STK39: variants seen among roughly 807,000 people sequenced by gnomAD.
STK39 encodes the protein STE20/SPS1-related proline-alanine-rich protein kinase.
STK39 carries 20 observed loss-of-function variants against 77.8 expected under a neutral mutation model. The ratio of observed to expected loss-of-function variants is 0.26; its 90% CI spans 0.18 to 0.37. The LOEUF is 0.37. Ranked by LOEUF, STK39 falls within the 10% of genes least tolerant of loss-of-function variation. The pLI is 1.00. For synonymous variants in STK39, 246 were observed against 234.1 expected (o/e 1.05, Z -0.47); for missense variants, 479 against 656.5 (o/e 0.73, Z 2.95).
chr2:168,191,489 T>C (rs967150703), intron 1 of STK39, among the ~76,000 whole-genome samples: 1 of 152,166 alleles, frequency 6.6e-6, no homozygotes, highest in Non-Finnish European at 1.5e-5. Context: ...GCAGATTTTT[T>C]CAAAGCCTCA....
chr2:167,986,814 G>A (rs1683572216), intron 16 of STK39, among the ~76,000 whole-genome samples: 1 of 152,172 alleles, frequency 6.6e-6, no homozygotes, highest in Non-Finnish European at 1.5e-5. Context: ...ATTTGTAGGA[G>A]GATGTGGAGA....
chr2:168,031,197 G>C (rs1428207342), intron 14 of STK39, among the ~76,000 whole-genome samples: 2 of 152,168 alleles, frequency 1.3e-5, no homozygotes, highest in African/African-American at 2.4e-5. Context: ...TCTCCCAGAA[G>C]GGCAAGGGTA....
chr2:168,059,698 T>G (rs1322912179), intron 14 of STK39, among the ~76,000 whole-genome samples: 1 of 152,182 alleles, frequency 6.6e-6, no homozygotes, highest in Non-Finnish European at 1.5e-5. Flanking sequence ...CTACAGAAAC[T>G]GAGATAATAA....
At chr2:168,006,124 T>C (rs1395285536) in intron 16 of STK39, among the ~76,000 whole-genome samples, 1 of 152,156 alleles carries the variant, frequency 6.6e-6, no homozygotes, top group East Asian at 1.9e-4. Flanking sequence ...AAGGGTGGTA[T>C]AAAAACACAG....
chr2:168,030,339 G>T (rs571121060), intron 14 of STK39, among the ~76,000 whole-genome samples: 1 of 152,282 alleles, frequency 6.6e-6, no homozygotes, highest in South Asian at 2.1e-4. Flanking sequence ...TTAATCAAGT[G>T]AGTTAGCCAT....
At chr2:168,043,121 T>C (rs1685151067) in intron 14 of STK39, among the ~76,000 whole-genome samples, 1 of 152,178 alleles carries the variant, frequency 6.6e-6, no homozygotes, top group South Asian at 2.1e-4. Context: ...TTCAACTACC[T>C]GACTGACGGC....
chr2:168,012,839 GA>G, intron 15 of STK39, 137 bp from the exon 16 acceptor site: 1 of 552,170 alleles, frequency 1.8e-6, no homozygotes, highest in Non-Finnish European at 2.9e-6. Flanking sequence ...TCTATCAGGA[GA>G]AAATCAGAAG....
At chr2:168,129,416 A>G in intron 10 of STK39, 125 bp downstream of exon 10, 1 of 1,021,350 alleles carries the variant, frequency 9.8e-7, no homozygotes, top group Admixed American at 2.4e-5. Flanking sequence ...CTGAGTAATC[A>G]CTAATGAGAT....
intron 12 of STK39, among the ~76,000 whole-genome samples, chr2:168,066,668 C>A (rs1048367242): frequency 6.6e-6 from 1 of 152,178 alleles, no homozygotes. Flanking sequence ...CTTCTCTTTC[C>A]CCTGGGAAGA....
At chr2:168,207,300 C>T (rs772878711) in intron 1 of STK39, among the ~76,000 whole-genome samples, 1 of 152,194 alleles carries the variant, frequency 6.6e-6, no homozygotes, top group South Asian at 2.1e-4. Flanking sequence ...CATACACACA[C>T]CCTAACGAGG....
chr2:168,247,303 G>GGGCCGC lies in STK39; in HGVS notation c.132_133insGCGGCC (p.Ala44_Pro45insAlaAla), dbSNP rs1690950151. The GGGCCGC allele has an allele frequency of 1.9e-6, 2 of 1,035,876 alleles. No individual in the cohort carries two copies. Among genetic ancestry groups the GGGCCGC allele is most frequent in the Non-Finnish European group, 2.3e-6 (2 of 860,740 alleles). 64.2% of individuals were successfully genotyped at this position (1,035,876 alleles called of 1,614,324 possible). ...GCCTGTGCCGCCGGGGCCGGGGCCG[G>GGGCCGC]GGCCGGGGCCGCGGGAGCTGCCGGG... On this transcript the variant is annotated inframe_insertion, in exon 1 of 18. Transcript: ENST00000355999.
At chr2:168,062,768 A>G (rs1209381438) in intron 14 of STK39, among the ~76,000 whole-genome samples, 2 of 152,248 alleles carry the variant, frequency 1.3e-5, no homozygotes, top group African/African-American at 2.4e-5. Flanking sequence ...TCAGAAGAAC[A>G]TATGTATAAC....
chr2:168,226,550 G>C (rs1041557083), intron 1 of STK39, among the ~76,000 whole-genome samples: 1 of 152,090 alleles, frequency 6.6e-6, no homozygotes, highest in Non-Finnish European at 1.5e-5. Flanking sequence ...TAGACCATAA[G>C]TGATGCAACT....
At chr2:168,113,584 C>T (rs116828020) in intron 10 of STK39, among the ~76,000 whole-genome samples, 3,169 of 152,274 alleles carry the variant, frequency 0.021, 60 homozygotes, top group Non-Finnish European at 0.028. Context: ...GCTATATAAT[C>T]ACATGGCAGG....
At chr2:168,241,163 G>T (rs921305676) in intron 1 of STK39, among the ~76,000 whole-genome samples, 1 of 152,176 alleles carries the variant, frequency 6.6e-6, no homozygotes, top group Non-Finnish European at 1.5e-5. Context: ...TTAAACATAA[G>T]AGACAGGCTT....
At chr2:168,120,413 CTT>C (rs1160266717) in intron 10 of STK39, among the ~76,000 whole-genome samples, 3 of 152,188 alleles carry the variant, frequency 2.0e-5, no homozygotes, top group African/African-American at 7.2e-5. Context: ...CTCTATTACT[CTT>C]TGAGTTTTGC....
chr2:168,145,691 A>G (rs1275837353), intron 5 of STK39, among the ~76,000 whole-genome samples: 1 of 152,190 alleles, frequency 6.6e-6, no homozygotes, highest in African/African-American at 2.4e-5. Flanking sequence ...ACTTCAACAT[A>G]TGCCATGTGA....
At chr2:168,087,836 T>C (rs1686408453) in intron 10 of STK39, among the ~76,000 whole-genome samples, 1 of 152,152 alleles carries the variant, frequency 6.6e-6, no homozygotes, top group Non-Finnish European at 1.5e-5. Flanking sequence ...AAGTGAAATA[T>C]TAAGAGAAAC....
intron 16 of STK39, among the ~76,000 whole-genome samples, chr2:167,983,336 G>A (rs1407536784): frequency 6.6e-6 from 1 of 151,748 alleles, no homozygotes; most frequent in East Asian, 1.9e-4. Flanking sequence ...AAAATTAGCT[G>A]GGCGTGGTGT....
Sources: allele counts gnomAD v4.1 joint callset (sites outside exome capture counted in the v4.1 genomes callset), GRCh38; gene constraint gnomAD v4.1.1; transcripts MANE v1.5; gene names NCBI Gene and HGNC (gene_info 2026-07-23, HGNC 2026-07-21).